The following TDRD9 variants were observed in gnomAD, a reference collection of about 807,000 sequenced individuals.
TDRD9 encodes ATP-dependent RNA helicase TDRD9.
TDRD9 carries 124 observed loss-of-function variants against 172.6 expected under a neutral mutation model. The observed-to-expected ratio is 0.72, with a 90% CI of 0.62 to 0.83. TDRD9 has a LOEUF of 0.83. TDRD9 is among the 40% of genes least tolerant of loss of function. TDRD9 has a pLI of 0.00. For synonymous variants in TDRD9, 619 were observed against 617.1 expected (o/e 1.00, Z -0.05); for missense variants, 1,479 against 1,714.1 (o/e 0.86, Z 2.42).
intron 1 of TDRD9, among the ~76,000 whole-genome samples, chr14:103,936,402 C>A (rs1315285593): frequency 6.6e-6 from 1 of 152,110 alleles, no homozygotes; most frequent in African/African-American, 2.4e-5. Context: ...TAGGAGACCC[C>A]AGTTATTGAA....
intron 7 of TDRD9, among the ~76,000 whole-genome samples, chr14:103,976,800 A>G (rs1033808795): frequency 7.9e-5 from 12 of 152,190 alleles, no homozygotes; most frequent in African/African-American, 2.4e-4. Flanking sequence ...CCAACAGTAT[A>G]CAAGAGTTCC....
At position 103,998,657 on chromosome 14, in the gene TDRD9, G is replaced by A. The variant is rs1292656382; in HGVS notation, c.1412G>A (p.Cys471Tyr). The change falls in exon 13 of 36, where the codon TGT becomes TAT. Residue 471 changes from cysteine (C) to tyrosine (Y), a missense_variant. Around this residue, in one of 3 missense-constraint regions of TDRD9, gnomAD observed 1,413 missense variants for 1,649.1 expected, o/e 0.86. Coordinates refer to ENST00000409874, the MANE Select transcript of TDRD9 (RefSeq NM_153046.3). ...IDFCLTRTLV[C>Y]DEDTNYQSLR... The stretch of plus-strand genomic sequence containing the variant: ...TTTTGTTTGACTAGAACTTTGGTCT[G>A]TGATGAAGATACAAATTATCAGAGT... 1.2e-6 allele frequency: 2 copies of A among 1,611,108 alleles called. No individual in the cohort carries two copies. Among genetic ancestry groups the A allele is most frequent in the East Asian group, 2.2e-5 (1 of 44,892 alleles).
rs966323364 is a variant in TDRD9, at chr14:104,049,469, A to T, written c.3975-139A>T. On this transcript the variant is annotated intron_variant, in intron 34 of 35. Transcript: ENST00000409874. ...TAAAATATTTTCTGATCATAACTGC[A>T]TAAATGTTGACCTTTAAACAGTTTA... The T allele has an allele frequency of 9.5e-5, 60 of 630,486 alleles. No individual in the cohort carries two copies. The African/African-American group carries it at 1.1e-3, about 11-fold the overall frequency. The allele number at this position is 630,486 out of a possible 1,614,324, so 39.1% of individuals were successfully genotyped here.
chr14:104,005,169 C>G, intron 14 of TDRD9, 105 bp from the exon 15 acceptor site: 1 of 1,176,278 alleles, frequency 8.5e-7, no homozygotes, highest in Non-Finnish European at 1.2e-6. Context: ...TTTCTTCTCT[C>G]CTCTCCTTCT....
At chr14:104,000,574 C>T (rs2034227316) in intron 13 of TDRD9, among the ~76,000 whole-genome samples, 1 of 152,010 alleles carries the variant, frequency 6.6e-6, no homozygotes, top group African/African-American at 2.4e-5. Flanking sequence ...CATTTGAGGT[C>T]AGGAGTTCAA....
At chr14:103,999,995 T>C (rs2034205265) in intron 13 of TDRD9, among the ~76,000 whole-genome samples, 1 of 152,076 alleles carries the variant, frequency 6.6e-6, no homozygotes, top group African/African-American at 2.4e-5. Flanking sequence ...ATGACTTGCC[T>C]AGAGAGGGGT....
At chr14:104,049,577 A>G in intron 34 of TDRD9, 31 bp from the exon 35 acceptor site, 1 of 1,503,992 alleles carries the variant, frequency 6.6e-7, no homozygotes, top group Non-Finnish European at 9.0e-7. Flanking sequence ...CTAATATATA[A>G]TTAAGATAAT....
At chr14:103,956,103 AAAAAAAAAATATATATATATAT>A (rs1391249540) in intron 2 of TDRD9, among the ~76,000 whole-genome samples, 2 of 50,256 alleles carry the variant, frequency 4.0e-5, no homozygotes, top group East Asian at 5.4e-4. Context: ...AAAAAAAAAA[AAAAAAAAAATATATATATATAT>A]ATATATATAT....
chr14:103,963,549 C>T (rs2032606848), intron 3 of TDRD9, among the ~76,000 whole-genome samples: 1 of 152,176 alleles, frequency 6.6e-6, no homozygotes, highest in Non-Finnish European at 1.5e-5. Flanking sequence ...AAATGACATA[C>T]CCTAGCATTT....
At chr14:103,994,206 A>T in intron 9 of TDRD9, 126 bp from the exon 10 acceptor site, 1 of 775,212 alleles carries the variant, frequency 1.3e-6, no homozygotes. Flanking sequence ...TTAGGCAAAG[A>T]GGATAAAGAA....
chr14:103,936,845 G>A (rs1016970525), intron 1 of TDRD9, among the ~76,000 whole-genome samples: 3 of 152,164 alleles, frequency 2.0e-5, no homozygotes, highest in African/African-American at 7.2e-5. Flanking sequence ...TAATCCCAGT[G>A]CTTTGGGAAG....
intron 1 of TDRD9, among the ~76,000 whole-genome samples, chr14:103,942,843 T>C (rs1236165546): frequency 1.3e-5 from 2 of 152,232 alleles, no homozygotes; most frequent in Non-Finnish European, 2.9e-5. Flanking sequence ...TTTTTCAAAA[T>C]AGTTAAATTT....
intron 23 of TDRD9, 43 bp downstream of exon 23, chr14:104,018,235 T>C (rs977562264): frequency 1.6e-6 from 2 of 1,230,224 alleles, no homozygotes; most frequent in Non-Finnish European, 2.3e-6. Context: ...GAAGGAGGCA[T>C]AATGATTCAA....
chr14:103,970,594 C>T lies in TDRD9; in HGVS notation c.819C>T (p.Leu273=), dbSNP rs11851097. The part of the protein sequence containing the change: ...MDFLLLVVRK[L]LRTNSRFVKV... ...TCCTGCTATTGGTAGTCCGCAAACT[C>T]TTAAGAACAAATTCACGTTTTGTGA... is the stretch of plus-strand genomic sequence containing the variant. Residue 273 remains leucine (L), a synonymous_variant, in exon 6 of 36, where the codon CTC becomes CTT. Coordinates refer to ENST00000409874, the MANE Select transcript of TDRD9 (RefSeq NM_153046.3). 559,094 of 1,549,288 alleles carry T rather than the reference C, an allele frequency of 0.36. 101,831 individuals carry two copies. Among genetic ancestry groups the T allele is most frequent in the Middle Eastern group, 0.4 (2,410 of 5,988 alleles).
intron 2 of TDRD9, among the ~76,000 whole-genome samples, chr14:103,957,740 T>C (rs762645261): frequency 2.6e-5 from 4 of 152,162 alleles, no homozygotes; most frequent in Non-Finnish European, 5.9e-5. Flanking sequence ...TGTGATGTGA[T>C]CCTTCTTGTC....
chr14:103,956,979 G>C (rs1042090385), intron 2 of TDRD9, among the ~76,000 whole-genome samples: 18 of 152,180 alleles, frequency 1.2e-4, no homozygotes, highest in Admixed American at 4.6e-4. Flanking sequence ...AGTGTGCTCA[G>C]AGTCGGGCAC....
intron 9 of TDRD9, among the ~76,000 whole-genome samples, chr14:103,992,092 G>T (rs118161615): frequency 3.0e-4 from 46 of 152,252 alleles, no homozygotes; most frequent in African/African-American, 1.1e-3. Context: ...TTATAACACC[G>T]TGAGAATCAT....
intron 1 of TDRD9, among the ~76,000 whole-genome samples, chr14:103,929,726 G>A (rs1444418253): frequency 6.6e-6 from 1 of 152,190 alleles, no homozygotes; most frequent in African/African-American, 2.4e-5. Context: ...CACCATGTTG[G>A]CCAGGCTAGT....
At chr14:103,945,872 T>C (rs2031529072) in intron 1 of TDRD9, among the ~76,000 whole-genome samples, 1 of 152,202 alleles carries the variant, frequency 6.6e-6, no homozygotes, top group Non-Finnish European at 1.5e-5. Flanking sequence ...CATAACTTTT[T>C]ATATATTACA....
Sources: allele counts gnomAD v4.1 joint callset (sites outside exome capture counted in the v4.1 genomes callset), GRCh38; gene constraint gnomAD v4.1.1; regional missense constraint gnomAD v4.1.1; transcripts MANE v1.5; gene names NCBI Gene and HGNC (gene_info 2026-07-23, HGNC 2026-07-21).